RBFOX1: variants seen among roughly 807,000 people sequenced by gnomAD.
RBFOX1 encodes the protein RNA binding fox-1 homolog 1, also known as RNA binding protein fox-1 homolog 1.
Under a neutral mutation model 57.7 loss-of-function variants are expected in RBFOX1, and 8 were observed. That is an observed-to-expected ratio of 0.14 (90% confidence interval 0.08 to 0.25). The LOEUF (loss-of-function observed/expected upper bound fraction) is 0.25. Ranked by LOEUF, RBFOX1 falls within the 10% of genes least tolerant of loss-of-function variation. The pLI is 1.00. For synonymous variants in RBFOX1, 326 were observed against 222.4 expected, an observed-to-expected ratio of 1.47 and a Z score of -4.15; for missense variants, 611 against 548.5, an observed-to-expected ratio of 1.11 and a Z score of -1.14.
intron 3 of RBFOX1, among the ~76,000 whole-genome samples, chr16:6,824,818 C>G (rs1223251500): frequency 6.6e-6 from 1 of 151,666 alleles, no homozygotes; most frequent in Non-Finnish European, 1.5e-5. Flanking sequence ...AATAACATGT[C>G]AAAGATAATA....
At chr16:5,701,150 C>G (rs1185974424) in intron 3 of RBFOX1, among the ~76,000 whole-genome samples, 2 of 152,140 alleles carry the variant, frequency 1.3e-5, no homozygotes, top group Non-Finnish European at 2.9e-5. Context: ...ATAAATCAAT[C>G]TTAAGTCTGT....
chr16:6,845,682 C>A (rs930412885), intron 3 of RBFOX1, among the ~76,000 whole-genome samples: 1 of 152,176 alleles, frequency 6.6e-6, no homozygotes, highest in South Asian at 2.1e-4. Context: ...TTTCAGAGAT[C>A]TCACCAGAAC....
chr16:5,767,524 A>C (rs2053828404), intron 3 of RBFOX1, among the ~76,000 whole-genome samples: 1 of 152,204 alleles, frequency 6.6e-6, no homozygotes, highest in South Asian at 2.1e-4. Context: ...TGCAGACATC[A>C]CACTGGAATA....
At chr16:6,331,489 G>A (rs1486990578) in intron 2 of RBFOX1, among the ~76,000 whole-genome samples, 1 of 151,584 alleles carries the variant, frequency 6.6e-6, no homozygotes, top group South Asian at 2.1e-4. Context: ...GGGGTGAGTT[G>A]TGGGAATGGA....
In RBFOX1 at chr16:5,584,594, C is replaced by T. The variant is rs761194769; in HGVS notation, c.259-14308C>T. Among the ~76,000 whole-genome samples, 7 of 152,304 alleles carry T rather than the reference C, an allele frequency of 4.6e-5. No individual in the cohort carries two copies. The East Asian group carries it at 1.2e-3, about 25-fold the overall frequency. ...TCTGTTTTCTGGAACTTTTCCCTTG[C>T]GTGGCAGCACAGGCAGGTGGGTCAT... On this transcript the variant is annotated intron_variant, in intron 2 of 2. Transcript: ENST00000585867.
intron 4 of RBFOX1, among the ~76,000 whole-genome samples, chr16:7,106,753 C>G (rs1347190067): frequency 1.3e-5 from 2 of 151,790 alleles, no homozygotes; most frequent in African/African-American, 4.8e-5. Context: ...CCAAGAAGCA[C>G]AAAATTTTTA....
intron 2 of RBFOX1, among the ~76,000 whole-genome samples, chr16:5,509,405 T>G (rs997868941): frequency 2.8e-4 from 42 of 152,330 alleles, no homozygotes; most frequent in African/African-American, 1.0e-3. Context: ...ACCCATGAAC[T>G]GTAAATTTCC....
chr16:7,153,803 G>A (rs1290702026), intron 4 of RBFOX1, among the ~76,000 whole-genome samples: 2 of 151,884 alleles, frequency 1.3e-5, no homozygotes, highest in Non-Finnish European at 2.9e-5. Context: ...CAGTTATCAT[G>A]AGGGGGAAAA....
At chr16:6,732,529 G>A (rs1036372330) in intron 3 of RBFOX1, among the ~76,000 whole-genome samples, 1 of 152,196 alleles carries the variant, frequency 6.6e-6, no homozygotes, top group Admixed American at 6.5e-5. Flanking sequence ...AAAACATTTA[G>A]TGTAGCAGGC....
intron 1 of RBFOX1, among the ~76,000 whole-genome samples, chr16:6,145,762 A>C (rs1338983197): frequency 6.6e-6 from 1 of 152,224 alleles, no homozygotes; most frequent in Non-Finnish European, 1.5e-5. Flanking sequence ...AGTATATTTA[A>C]AAATAGACTA....
At position 5,688,088 on chromosome 16, in the gene RBFOX1, T is replaced by C. The variant is rs939629967; in HGVS notation, c.318+89127T>C. The stretch of plus-strand genomic sequence containing the variant: ...CCCCAGCTGACCTAATCTTAACACA[T>C]TGTGAAAAGTATTTCAATTTATTAT... On this transcript the variant is annotated intron_variant, in intron 3 of 19. Transcript: ENST00000641259. Among the ~76,000 whole-genome samples, 5 of 152,180 alleles carry C rather than the reference T, an allele frequency of 3.3e-5. No individual in the cohort carries two copies. In the East Asian group the frequency reaches 7.7e-4, roughly 23 times the overall value.
intron 1 of RBFOX1, among the ~76,000 whole-genome samples, chr16:5,337,823 T>C (rs561152191): frequency 6.6e-6 from 1 of 152,246 alleles, no homozygotes; most frequent in South Asian, 2.1e-4. Context: ...ATTAATGTAT[T>C]GCTTGAGCCC....
chr16:5,632,021 G>C (rs903442783), intron 3 of RBFOX1, among the ~76,000 whole-genome samples: 1 of 152,166 alleles, frequency 6.6e-6, no homozygotes, highest in Non-Finnish European at 1.5e-5. Context: ...CAGGAGGATT[G>C]GATGTCTGAG....
At chr16:7,468,076 G>C (rs2060850022) in intron 4 of RBFOX1, among the ~76,000 whole-genome samples, 1 of 152,216 alleles carries the variant, frequency 6.6e-6, no homozygotes, top group Non-Finnish European at 1.5e-5. Context: ...TTAGCTGCTT[G>C]CAAATAAGCG....
At chr16:7,676,984 C>CTCGAG (rs1555762069) in intron 14 of RBFOX1, 146 bp downstream of exon 14, 1 of 707,760 alleles carries the variant, frequency 1.4e-6, no homozygotes, top group Non-Finnish European at 2.4e-6. Context: ...TGAACGTGAA[C>CTCGAG]TCAAGTCCCC....
chr16:5,260,389 G>A (rs547388291), intron 1 of RBFOX1, among the ~76,000 whole-genome samples: 10 of 152,228 alleles, frequency 6.6e-5, no homozygotes, highest in African/African-American at 2.2e-4. Context: ...GAGACATGAA[G>A]AGACACTTCT....
chr16:5,960,212 A>AAG (rs1567193651), intron 4 of RBFOX1, among the ~76,000 whole-genome samples: 4 of 152,190 alleles, frequency 2.6e-5, no homozygotes, highest in Middle Eastern at 3.4e-3. Context: ...AGAAGAAGAA[A>AAG]GAAAGAAAAA....
chr16:6,478,427 A>T (rs78055927), intron 2 of RBFOX1, among the ~76,000 whole-genome samples: 2,540 of 11,920 alleles, frequency 0.21, 121 homozygotes, highest in Non-Finnish European at 0.23. Flanking sequence ...ATATATATAT[A>T]TATTTTTTTT....
intron 3 of RBFOX1, among the ~76,000 whole-genome samples, chr16:6,830,382 T>G (rs1422082384): frequency 6.6e-6 from 1 of 152,212 alleles, no homozygotes; most frequent in Non-Finnish European, 1.5e-5. Flanking sequence ...CCAGTTTATC[T>G]TTGAATTTTA....
Sources: gnomAD v4.1 joint callset for allele counts (sites outside exome capture counted in the v4.1 genomes callset) on GRCh38, gnomAD v4.1.1 for gene constraint, MANE v1.5 for transcripts, NCBI Gene and HGNC (gene_info 2026-07-23, HGNC 2026-07-21) for gene names.